The following CDH19 variants were observed in gnomAD, a reference collection of about 807,000 sequenced individuals.
The protein encoded by CDH19 is cadherin-19.
In CDH19, 67 loss-of-function variants were observed where a neutral mutation model predicts 64.2. The ratio of observed to expected loss-of-function variants is 1.04; its 90% CI spans 0.86 to 1.28. The LOEUF (loss-of-function observed/expected upper bound fraction) is 1.28, where lower values mean the gene tolerates loss of function less well. Among genes scored for constraint, CDH19 ranks in the 50% most tolerant of loss-of-function variants. The pLI is 0.00. For missense variants in CDH19, 1,030 were observed against 929.0 expected, an observed-to-expected ratio of 1.11 and a Z score of -1.41; for synonymous variants, 346 against 319.3, an observed-to-expected ratio of 1.08 and a Z score of -0.89.
chr18:66,575,311 T>A (rs1403807142), intron 1 of CDH19, among the ~76,000 whole-genome samples: 1 of 151,776 alleles, frequency 6.6e-6, no homozygotes, highest in African/African-American at 2.4e-5. Flanking sequence ...TTCACCCACT[T>A]TACTCAATAA....
Position 66,553,211 on chromosome 18 carries a change from G to A in CDH19, c.610+1194C>T, listed in dbSNP as rs1183422471. 6.0e-5 allele frequency among the ~76,000 whole-genome samples: 8 copies of A among 134,058 alleles called. 3 individuals are homozygous for A. Among genetic ancestry groups the A allele is most frequent in the African/African-American group, 2.8e-4 (8 of 29,008 alleles). The allele number at this position is 134,058 out of a possible 152,430, so 87.9% of individuals were successfully genotyped here. A position where few individuals can be genotyped will look rare whatever the true frequency, so the allele number is the denominator to read the frequency against. ...GAGTCCATTATTATATCTTGTTTTTGTTACTATTATGTATTGTTTTAAATT... is the reference window on the plus strand; with the variant it reads ...GAGTCCATTATTATATCTTGTTTTTATTACTATTATGTATTGTTTTAAATT... On this transcript the variant is annotated intron_variant, in intron 4 of 11. Transcript: ENST00000262150.
rs780716221 is a variant in CDH19, at chr18:66,509,051, A to G, written c.1772T>C (p.Met591Thr). The G allele has an allele frequency of 1.2e-6, 2 of 1,612,918 alleles. No homozygotes were observed. The highest frequency in any genetic ancestry group is 1.7e-5 in the Admixed American group (1 of 59,838). The change falls in exon 11 of 12, where the codon ATG (methionine) becomes ACG (threonine). Residue 591 changes from methionine to threonine, a missense_variant. Transcript: ENST00000262150. ...TCQYQELVLS[M>T]GFKTEVIIAI... is the part of the protein sequence containing the mutation. ...AATGATGACTTCTGTCTTGAATCCC[A>G]TGGAAAGCACAAGCTCCTGGTACTG...
chr18:66,587,966 T>C (rs1384153694), intron 1 of CDH19, among the ~76,000 whole-genome samples: 1 of 152,192 alleles, frequency 6.6e-6, no homozygotes, highest in Non-Finnish European at 1.5e-5. Flanking sequence ...AGAAGAAAGA[T>C]CAAGGTGAGC....
At position 66,525,928 on chromosome 18, in the gene CDH19, G is replaced by C. The variant is rs534400369; in HGVS notation, c.1458+3917C>G. On this transcript the variant is annotated intron_variant, in intron 9 of 11. Transcript: ENST00000262150. Reference sequence around the variant, plus strand: ...TCTCCTTAAGGGAAATTGTAAAATAGGGCTGACCAATGTCCCTTATTTTGA... The same window carrying C: ...TCTCCTTAAGGGAAATTGTAAAATACGGCTGACCAATGTCCCTTATTTTGA... Among the ~76,000 whole-genome samples, 3 of 152,190 alleles carry C rather than the reference G, an allele frequency of 2.0e-5. No individual in the cohort carries two copies. The South Asian group carries it at 6.2e-4, about 32-fold the overall frequency.
rs1243646301 is a variant in CDH19, at chr18:66,552,471, C to CCCTGATG, written c.611-1214_611-1213insCATCAGG. Reference sequence around the variant, plus strand: ...ATTTTAGTTGCGGACTAAAGTGTTTCACACATGTAATCAATTATTTGAATC... The same window carrying CCCTGATG: ...ATTTTAGTTGCGGACTAAAGTGTTTCCCTGATGACACATGTAATCAATTATTTGAATC... On this transcript the variant is annotated intron_variant, in intron 4 of 11. Transcript: ENST00000262150. Among the ~76,000 whole-genome samples the CCCTGATG allele has an allele frequency of 4.8e-3, 428 of 89,680 alleles. 19 individuals are homozygous for CCCTGATG. The highest frequency in any genetic ancestry group is 0.017 in the African/African-American group (188 of 11,222). 58.8% of individuals were successfully genotyped at this position (89,680 alleles called of 152,430 possible).
At chr18:66,589,133 A>G (rs1988667923) in intron 1 of CDH19, among the ~76,000 whole-genome samples, 1 of 151,662 alleles carries the variant, frequency 6.6e-6, no homozygotes. Flanking sequence ...TTATGCAAAG[A>G]CTATTTTTTC....
At chr18:66,601,791 T>G (rs1989043562) in intron 1 of CDH19, among the ~76,000 whole-genome samples, 1 of 151,240 alleles carries the variant, frequency 6.6e-6, no homozygotes, top group South Asian at 2.1e-4. Context: ...TTAGCTGTGT[T>G]CTCTCAATTG....
chr18:66,524,791 A>G (rs1986156734), intron 9 of CDH19, among the ~76,000 whole-genome samples: 1 of 151,928 alleles, frequency 6.6e-6, no homozygotes, highest in Non-Finnish European at 1.5e-5. Context: ...CAGTCTCTAA[A>G]TTGTGTGTCC....
chr18:66,565,769 A>G (rs1987886019), intron 3 of CDH19, among the ~76,000 whole-genome samples: 1 of 151,876 alleles, frequency 6.6e-6, no homozygotes, highest in African/African-American at 2.4e-5. Context: ...ATATTCCCCT[A>G]TTTCCATATT....
At chr18:66,592,653 C>G (rs1988777449) in intron 1 of CDH19, among the ~76,000 whole-genome samples, 1 of 151,740 alleles carries the variant, frequency 6.6e-6, no homozygotes, top group Admixed American at 6.6e-5. Flanking sequence ...CTTTCTGTGC[C>G]TGACCTATTT....
At position 66,502,558 on chromosome 18, in the gene CDH19, G is replaced by A. The variant is rs1336034596; in HGVS notation, c.*2254C>T. The stretch of plus-strand genomic sequence containing the variant: ...CATCTGTTGTTTATCATACTTTTTA[G>A]TTTTCTACTAAGATTACCTAGCATT... On this transcript the variant is annotated 3_prime_UTR_variant, in exon 12 of 12. Coordinates refer to ENST00000262150, the MANE Select transcript of CDH19 (RefSeq NM_021153.4). The A allele has an allele frequency of 6.6e-6, 1 of 151,542 alleles. No homozygotes were observed. Among genetic ancestry groups the A allele is most frequent in the Non-Finnish European group, 1.5e-5 (1 of 67,812 alleles). The allele number at this position is 151,542 out of a possible 1,614,324, so 9.4% of individuals were successfully genotyped here. A position where few individuals can be genotyped will look rare whatever the true frequency, so the allele number is the denominator to read the frequency against.
At chr18:66,530,829 A>G (rs181268092) in intron 8 of CDH19, among the ~76,000 whole-genome samples, 4 of 152,224 alleles carry the variant, frequency 2.6e-5, no homozygotes, top group Admixed American at 6.5e-5. Flanking sequence ...CCTGACTTCT[A>G]TTCCCCGAAT....
chr18:66,581,247 A>G (rs1988413538), intron 1 of CDH19, among the ~76,000 whole-genome samples: 1 of 152,172 alleles, frequency 6.6e-6, no homozygotes, highest in Admixed American at 6.6e-5. Context: ...GTGCACTTAT[A>G]TTAGCACAAT....
intron 1 of CDH19, among the ~76,000 whole-genome samples, chr18:66,589,080 C>A (rs1460185792): frequency 6.6e-6 from 1 of 151,686 alleles, no homozygotes; most frequent in African/African-American, 2.4e-5. Context: ...ACAAAACCAC[C>A]AATTACCATA....
intron 7 of CDH19, among the ~76,000 whole-genome samples, chr18:66,543,599 C>T (rs1382583797): frequency 2.6e-5 from 4 of 151,888 alleles, no homozygotes; most frequent in African/African-American, 7.2e-5. Context: ...TAAATTTGCA[C>T]GCAGGCTAGG....
At chr18:66,547,848 T>C (rs1284037536) in intron 5 of CDH19, among the ~76,000 whole-genome samples, 2 of 144,758 alleles carry the variant, frequency 1.4e-5, no homozygotes, top group African/African-American at 2.6e-5. Context: ...TTTGTATTTT[T>C]AGTAGAGACG....
At chr18:66,600,526 C>A (rs956507422) in intron 1 of CDH19, among the ~76,000 whole-genome samples, 1 of 151,656 alleles carries the variant, frequency 6.6e-6, no homozygotes, top group Non-Finnish European at 1.5e-5. Context: ...TTTAAAAATG[C>A]AATACACACA....
At position 66,536,295 on chromosome 18, in the gene CDH19, C is replaced by A. The variant is rs184415764; in HGVS notation, c.1215-1188G>T. ...CCAAAAACATTATGCTACTTTGTAG[C>A]TAGGTATTCAGATAAGGACTCAATA... On this transcript the variant is annotated intron_variant, in intron 7 of 11. Coordinates refer to ENST00000262150, the MANE Select transcript of CDH19 (RefSeq NM_021153.4). Among the ~76,000 whole-genome samples, 82 of 151,746 alleles carry A rather than the reference C, an allele frequency of 5.4e-4. 1 individual carries two copies. The highest frequency in any genetic ancestry group is 2.0e-3 in the African/African-American group (81 of 41,498).
rs1189521129 is a variant in CDH19, at chr18:66,601,424, T to C, written c.-113+2530A>G. Reference sequence around the variant, plus strand: ...CACTTTAATACAGTATCTTGCAAATTTGCAAATTTCATTTATCATGAAACT... The same window carrying C: ...CACTTTAATACAGTATCTTGCAAATCTGCAAATTTCATTTATCATGAAACT... On this transcript the variant is annotated intron_variant, in intron 1 of 11. Transcript: ENST00000262150. Among the ~76,000 whole-genome samples the C allele has an allele frequency of 3.3e-5, 5 of 151,924 alleles. No individual in the cohort carries two copies. The East Asian group carries it at 9.6e-4, about 29-fold the overall frequency.
Sources: allele counts gnomAD v4.1 joint callset (sites outside exome capture counted in the v4.1 genomes callset), GRCh38; gene constraint gnomAD v4.1.1; transcripts MANE v1.5; gene names NCBI Gene and HGNC (gene_info 2026-07-23, HGNC 2026-07-21).